Variants in TTC28 observed in about 807,000 individuals in gnomAD.
TTC28 encodes the protein tetratricopeptide repeat protein 28.
A neutral mutation model predicts 198.0 loss-of-function variants in TTC28; 61 were observed. The ratio of observed to expected loss-of-function variants is 0.31; its 90% CI spans 0.25 to 0.38. TTC28 has a LOEUF of 0.38. Among genes scored for constraint, TTC28 ranks in the 10% least tolerant of loss-of-function variants. The probability of loss-of-function intolerance (pLI) is 1.00; values close to 1 mark genes in which losing one functional copy is unlikely to be tolerated. For missense variants in TTC28, 2,678 were observed against 3,164.0 expected, an observed-to-expected ratio of 0.85 and a Z score of 3.69; for synonymous variants, 1,171 against 1,297.8, an observed-to-expected ratio of 0.90 and a Z score of 2.10.
chr22:28,081,830 G>T (rs1200774121), intron 12 of TTC28, among the ~76,000 whole-genome samples: 1 of 152,204 alleles, frequency 6.6e-6, no homozygotes, highest in African/African-American at 2.4e-5. Context: ...TGAATCTGTA[G>T]ATCACTTTGG....
intron 12 of TTC28, among the ~76,000 whole-genome samples, chr22:28,036,210 A>T (rs535648747): frequency 1.1e-4 from 16 of 152,316 alleles, no homozygotes; most frequent in African/African-American, 3.8e-4. Context: ...ATCACATCGG[A>T]CTTATTCTAA....
chr22:28,061,161 G>T (rs1231573004), intron 12 of TTC28, among the ~76,000 whole-genome samples: 1 of 152,194 alleles, frequency 6.6e-6, no homozygotes, highest in African/African-American at 2.4e-5. Flanking sequence ...CTCCCATTCT[G>T]TAGGTTGTCT....
At chr22:28,511,093 T>A (rs1304979455) in intron 2 of TTC28, among the ~76,000 whole-genome samples, 1 of 152,208 alleles carries the variant, frequency 6.6e-6, no homozygotes, top group South Asian at 2.1e-4. Flanking sequence ...CAAAGTAATT[T>A]ATAGATTCAA....
At chr22:28,317,067 C>A (rs1391766535) in intron 2 of TTC28, among the ~76,000 whole-genome samples, 3 of 152,146 alleles carry the variant, frequency 2.0e-5, no homozygotes, top group African/African-American at 7.2e-5. Context: ...AGCCACTGCA[C>A]CCTGCCTGTT....
intron 2 of TTC28, among the ~76,000 whole-genome samples, chr22:28,429,374 G>C (rs1209873870): frequency 1.3e-5 from 2 of 152,094 alleles, no homozygotes; most frequent in African/African-American, 4.8e-5. Flanking sequence ...TCACAATGCA[G>C]AGCACTGCAC....
At chr22:28,221,578 T>G (rs1313453202) in intron 5 of TTC28, among the ~76,000 whole-genome samples, 1 of 152,148 alleles carries the variant, frequency 6.6e-6, no homozygotes, top group Admixed American at 6.5e-5. Context: ...ACAGCCTCAG[T>G]CTGCCCATCT....
intron 2 of TTC28, among the ~76,000 whole-genome samples, chr22:28,318,090 T>A (rs1379737929): frequency 6.8e-6 from 1 of 148,042 alleles, no homozygotes; most frequent in African/African-American, 2.4e-5. Context: ...TTTTTTTTTT[T>A]TAGAGATGAG....
chr22:28,464,051 C>G (rs1236080875), intron 2 of TTC28, among the ~76,000 whole-genome samples: 1 of 152,076 alleles, frequency 6.6e-6, no homozygotes, highest in South Asian at 2.1e-4. Flanking sequence ...CAATGTCAAC[C>G]CTTAAAAACT....
chr22:28,141,759 G>A (rs2146990155), intron 6 of TTC28, among the ~76,000 whole-genome samples: 1 of 152,020 alleles, frequency 6.6e-6, no homozygotes, highest in East Asian at 1.9e-4. Flanking sequence ...CCAAGAATTT[G>A]GTTAGATTAT....
chr22:28,528,606 T>C (rs1054488799), intron 2 of TTC28, among the ~76,000 whole-genome samples: 1 of 151,246 alleles, frequency 6.6e-6, no homozygotes, highest in Non-Finnish European at 1.5e-5. Context: ...AATGGTGGCA[T>C]GCACTTGTAG....
chr22:28,569,940 G>T (rs1569031584), intron 2 of TTC28, among the ~76,000 whole-genome samples: 1 of 152,126 alleles, frequency 6.6e-6, no homozygotes, highest in Non-Finnish European at 1.5e-5. Context: ...TGACCAACAA[G>T]CATATTAAAA....
intron 12 of TTC28, among the ~76,000 whole-genome samples, chr22:28,088,115 C>A (rs1159634185): frequency 6.6e-6 from 1 of 152,102 alleles, no homozygotes; most frequent in Non-Finnish European, 1.5e-5. Context: ...TCAATGCCAT[C>A]CCCATCAAGC....
At chr22:28,347,278 A>AC (rs1292104722) in intron 2 of TTC28, among the ~76,000 whole-genome samples, 1 of 151,514 alleles carries the variant, frequency 6.6e-6, no homozygotes, top group African/African-American at 2.4e-5. Flanking sequence ...GAGGAAAAAA[A>AC]AAAAAAACAA....
chr22:28,068,382 TTAAACTAGG>T (rs1178278878), intron 12 of TTC28, among the ~76,000 whole-genome samples: 4 of 152,264 alleles, frequency 2.6e-5, no homozygotes, highest in Admixed American at 2.0e-4. Context: ...ACCGTAAGAA[TTAAACTAGG>T]TACTATGTGC....
chr22:28,094,486 C>T (rs930376530), intron 11 of TTC28, among the ~76,000 whole-genome samples: 4 of 152,174 alleles, frequency 2.6e-5, no homozygotes, highest in African/African-American at 9.7e-5. Context: ...ATTCAAGATA[C>T]AGCCTCAGAA....
At chr22:28,386,553 A>G (rs2046598636) in intron 2 of TTC28, among the ~76,000 whole-genome samples, 1 of 152,166 alleles carries the variant, frequency 6.6e-6, no homozygotes, top group Non-Finnish European at 1.5e-5. Context: ...CTAAAGATTC[A>G]TACCTAAAAT....
At chr22:28,206,733 T>A (rs1926438227) in intron 5 of TTC28, among the ~76,000 whole-genome samples, 1 of 152,158 alleles carries the variant, frequency 6.6e-6, no homozygotes, top group African/African-American at 2.4e-5. Context: ...GAATTTTGGC[T>A]ATGGGAGGCC....
At chr22:28,071,681 TATGTAACTAACCTGCACA>T (rs2046592915) in intron 12 of TTC28, among the ~76,000 whole-genome samples, 2 of 128,352 alleles carry the variant, frequency 1.6e-5, no homozygotes, top group African/African-American at 6.2e-5. Context: ...CATGTATACA[TATGTAACTAACCTGCACA>T]ATGTGCACAT....
chr22:28,021,121 G>A (rs1448643660), intron 13 of TTC28, among the ~76,000 whole-genome samples: 2 of 152,178 alleles, frequency 1.3e-5, no homozygotes, highest in Non-Finnish European at 2.9e-5. Context: ...AGAAACAGGG[G>A]CTTGACTCTC....
Sources: allele counts gnomAD v4.1 joint callset (sites outside exome capture counted in the v4.1 genomes callset), GRCh38; gene constraint gnomAD v4.1.1; transcripts MANE v1.5; gene names NCBI Gene and HGNC (gene_info 2026-07-23, HGNC 2026-07-21).